The following SLC25A24 variants were observed in gnomAD, a reference collection of about 807,000 sequenced individuals.
SLC25A24 encodes the protein solute carrier family 25 member 24, also known as mitochondrial adenyl nucleotide antiporter SLC25A24.
In SLC25A24, 49 loss-of-function variants were observed where a neutral mutation model predicts 60.7. The observed-to-expected ratio is 0.81, with a 90% confidence interval of 0.64 to 1.02. The LOEUF (loss-of-function observed/expected upper bound fraction) is 1.02. SLC25A24 is among the 50% of genes least tolerant of loss of function. The pLI is 0.00. For missense variants in SLC25A24, 564 were observed against 586.3 expected, an observed-to-expected ratio of 0.96 and a Z score of 0.39; for synonymous variants, 202 against 200.6, an observed-to-expected ratio of 1.01 and a Z score of -0.06.
At chr1:108,138,584 G>A (rs1355858772) in intron 9 of SLC25A24, among the ~76,000 whole-genome samples, 1 of 152,094 alleles carries the variant, frequency 6.6e-6, no homozygotes, top group Non-Finnish European at 1.5e-5. Flanking sequence ...AAAACTTGTA[G>A]GGTCTACGCA....
chr1:108,137,008 G>GT (rs1209249966), intron 9 of SLC25A24, among the ~76,000 whole-genome samples, 171 bp from the exon 10 acceptor site: 1 of 152,162 alleles, frequency 6.6e-6, no homozygotes, highest in African/African-American at 2.4e-5. Flanking sequence ...GCACCTAACA[G>GT]TGAGTGTCCT....
At position 108,199,380 on chromosome 1, in the gene SLC25A24, A is replaced by G. The variant is rs146909387; in HGVS notation, c.183+576T>C. ...AATTGCTCAGTCGCAGGTCAAGTCA[A>G]CCCTTCAGATCAATTTATGTACCTA... On this transcript the variant is annotated intron_variant, in intron 1 of 9. Transcript: ENST00000565488. 3 of 153,034 alleles carry G rather than the reference A, an allele frequency of 2.0e-5. No homozygotes were observed. The East Asian group carries it at 5.8e-4, about 29-fold the overall frequency. The allele number at this position is 153,034 out of a possible 1,614,324, so 9.5% of individuals were successfully genotyped here.
intron 4 of SLC25A24, among the ~76,000 whole-genome samples, chr1:108,158,248 C>T (rs909243144): frequency 6.6e-6 from 1 of 152,092 alleles, no homozygotes; most frequent in Admixed American, 6.6e-5. Flanking sequence ...CAAATCATCA[C>T]CCCTTCAACC....
chr1:108,167,668 C>T (rs1000691813), intron 3 of SLC25A24, among the ~76,000 whole-genome samples: 8 of 152,228 alleles, frequency 5.3e-5, no homozygotes, highest in African/African-American at 1.9e-4. Flanking sequence ...GGTGCGCACA[C>T]CCACTGACCT....
chr1:108,183,238 C>T (rs1647990797), intron 2 of SLC25A24, among the ~76,000 whole-genome samples: 1 of 152,160 alleles, frequency 6.6e-6, no homozygotes, highest in African/African-American at 2.4e-5. Context: ...CTGAGAGAAT[C>T]CTCCTGGGGA....
intron 1 of SLC25A24, among the ~76,000 whole-genome samples, chr1:108,190,219 T>C (rs1372805332): frequency 1.3e-5 from 2 of 152,170 alleles, no homozygotes; most frequent in East Asian, 3.9e-4. Context: ...GATTGGGGGC[T>C]GCTGGCCTGG....
intron 1 of SLC25A24, among the ~76,000 whole-genome samples, chr1:108,197,737 G>A (rs1030058268): frequency 1.3e-5 from 2 of 152,172 alleles, no homozygotes; most frequent in Non-Finnish European, 2.9e-5. Context: ...CACCAAATGG[G>A]TAGGCATAAT....
chr1:108,165,282 G>C (rs1014052862), intron 3 of SLC25A24, among the ~76,000 whole-genome samples: 4 of 152,192 alleles, frequency 2.6e-5, no homozygotes, highest in Non-Finnish European at 5.9e-5. Flanking sequence ...GATTTGGGGT[G>C]CAGAGTTCTG....
intron 1 of SLC25A24, among the ~76,000 whole-genome samples, chr1:108,190,258 G>A (rs1314322532): frequency 2.0e-5 from 3 of 152,130 alleles, no homozygotes; most frequent in African/African-American, 2.4e-5. Flanking sequence ...CATTAGAAAC[G>A]CGGCACCCTA....
intron 9 of SLC25A24, among the ~76,000 whole-genome samples, chr1:108,137,486 T>C (rs1048821087): frequency 1.3e-5 from 2 of 152,184 alleles, no homozygotes; most frequent in African/African-American, 2.4e-5. Context: ...TTGTTGTATG[T>C]GGTTATTACA....
At chr1:108,155,204 C>A in intron 5 of SLC25A24, 69 bp from the exon 6 acceptor site, 1 of 1,394,166 alleles carries the variant, frequency 7.2e-7, no homozygotes. Flanking sequence ...AGAACAACCA[C>A]ACAATCTTTT....
At chr1:108,154,857 A>T (rs1679851072) in intron 6 of SLC25A24, 126 bp downstream of exon 6, 1 of 636,200 alleles carries the variant, frequency 1.6e-6, no homozygotes, top group African/African-American at 1.9e-5. Flanking sequence ...GATCCTCCTT[A>T]TGGAGTATAT....
At chr1:108,139,460 T>G (rs1679385998) in intron 8 of SLC25A24, among the ~76,000 whole-genome samples, 1 of 152,220 alleles carries the variant, frequency 6.6e-6, no homozygotes, top group Non-Finnish European at 1.5e-5. Context: ...CAGCAAACGC[T>G]GCAGGATCTA....
chr1:108,145,597 TA>T (rs1412584225), intron 7 of SLC25A24, among the ~76,000 whole-genome samples: 1 of 152,066 alleles, frequency 6.6e-6, no homozygotes, highest in East Asian at 1.9e-4. Flanking sequence ...TTATAAGGTG[TA>T]AGGAAGGGGT....
intron 1 of SLC25A24, among the ~76,000 whole-genome samples, chr1:108,196,362 A>G (rs1169180106): frequency 6.6e-6 from 1 of 152,210 alleles, no homozygotes; most frequent in Non-Finnish European, 1.5e-5. Context: ...GTTTTTTAAC[A>G]TGAACTTTCA....
At chr1:108,162,515 G>A (rs1488965076) in intron 3 of SLC25A24, among the ~76,000 whole-genome samples, 2 of 149,616 alleles carry the variant, frequency 1.3e-5, no homozygotes, top group African/African-American at 2.5e-5. Flanking sequence ...ATCTCATTGT[G>A]GTTTTGATTT....
At chr1:108,156,823 T>C (rs1679913895) in intron 5 of SLC25A24, among the ~76,000 whole-genome samples, 1 of 152,206 alleles carries the variant, frequency 6.6e-6, no homozygotes, top group Non-Finnish European at 1.5e-5. Flanking sequence ...GAGGCAAAGA[T>C]ACTGCATTCC....
chr1:108,160,821 G>A (rs898552189), intron 4 of SLC25A24, among the ~76,000 whole-genome samples: 13 of 152,308 alleles, frequency 8.5e-5, no homozygotes, highest in African/African-American at 2.6e-4. Context: ...GTGGCGGTGC[G>A]CGCCTGCAAT....
At chr1:108,183,130 C>T (rs751124830) in intron 2 of SLC25A24, among the ~76,000 whole-genome samples, 7 of 152,110 alleles carry the variant, frequency 4.6e-5, no homozygotes, top group Non-Finnish European at 1.0e-4. Flanking sequence ...GCAGCATAAA[C>T]AGCTGACTTC....
Sources: allele counts gnomAD v4.1 joint callset (sites outside exome capture counted in the v4.1 genomes callset), GRCh38; gene constraint gnomAD v4.1.1; transcripts MANE v1.5; gene names NCBI Gene and HGNC (gene_info 2026-07-23, HGNC 2026-07-21).